Variants in PAPPA2 observed in about 807,000 individuals in gnomAD.
The protein encoded by PAPPA2 is pappalysin-2.
A neutral mutation model predicts 176.4 loss-of-function variants in PAPPA2; 86 were observed. The observed-to-expected ratio is 0.49, with a 90% CI of 0.41 to 0.58. PAPPA2 has a LOEUF of 0.58. Among genes scored for constraint, PAPPA2 ranks in the 20% least tolerant of loss-of-function variants. The pLI, the probability that PAPPA2 is intolerant of heterozygous loss-of-function variation, is 0.00. For synonymous variants in PAPPA2, 809 were observed against 852.2 expected, an observed-to-expected ratio of 0.95 and a Z score of 0.88; for missense variants, 2,073 against 2,256.9, an observed-to-expected ratio of 0.92 and a Z score of 1.65.
At chr1:176,528,331 G>T (rs1013309132) in intron 1 of PAPPA2, among the ~76,000 whole-genome samples, 3 of 152,158 alleles carry the variant, frequency 2.0e-5, no homozygotes, top group African/African-American at 7.2e-5. Flanking sequence ...ACATGATAGA[G>T]AATACATTTC....
chr1:176,470,180 A>G (rs1651807895), intron 1 of PAPPA2, among the ~76,000 whole-genome samples: 1 of 152,324 alleles, frequency 6.6e-6, no homozygotes, highest in African/African-American at 2.4e-5. Flanking sequence ...CACAGTGGTG[A>G]AGGTCCAGGG....
intron 3 of PAPPA2, among the ~76,000 whole-genome samples, chr1:176,605,910 T>A (rs770972481): frequency 6.6e-6 from 1 of 152,258 alleles, no homozygotes; most frequent in South Asian, 2.1e-4. Context: ...GTCCTTTTCT[T>A]TAGACCTTAG....
chr1:176,623,606 C>CTTT (rs1558478951), intron 3 of PAPPA2, among the ~76,000 whole-genome samples: 52 of 112,714 alleles, frequency 4.6e-4, no homozygotes, highest in African/African-American at 1.5e-3. Context: ...TTCCTTCCTT[C>CTTT]CTTCCTTCCT....
At chr1:176,572,947 G>A (rs1652436606) in intron 2 of PAPPA2, among the ~76,000 whole-genome samples, 1 of 152,098 alleles carries the variant, frequency 6.6e-6, no homozygotes, top group African/African-American at 2.4e-5. Context: ...CTGGTAACAG[G>A]AACCCCAAAG....
chr1:176,516,868 G>A (rs1346645649), intron 1 of PAPPA2, among the ~76,000 whole-genome samples: 1 of 152,152 alleles, frequency 6.6e-6, no homozygotes, highest in Non-Finnish European at 1.5e-5. Context: ...ATCCTATGTA[G>A]GTGAATCACA....
intron 15 of PAPPA2, among the ~76,000 whole-genome samples, chr1:176,767,793 C>T (rs1664047382): frequency 6.6e-6 from 1 of 152,198 alleles, no homozygotes; most frequent in Admixed American, 6.5e-5. Context: ...CAGTGCTCTC[C>T]AGCTGACCAA....
rs781676806 is a variant in PAPPA2, at chr1:176,702,681, C to T, written c.3311C>T (p.Pro1104Leu). ...GGAGGAGAACTGGGAGAAGCTTCGC[C>T]TCCTCTGAACCACATTCATGGAGCT... ...EAGGELGEAS[P>L]PLNHIHGAPY... The change falls in exon 9 of 23, where the codon CCT (proline) becomes CTT (leucine). Residue 1104 changes from proline to leucine, a missense_variant. Physicochemically the swap from Pro to Leu is moderately conservative, Grantham distance 98. Around this residue, in one of 4 missense-constraint regions of PAPPA2, gnomAD observed 846 missense variants for 857.9 expected, o/e 0.99. Coordinates refer to ENST00000367662, the MANE Select transcript of PAPPA2 (RefSeq NM_020318.3). 6.2e-7 allele frequency: 1 copy of T among 1,612,864 alleles called. No homozygotes were observed. Among genetic ancestry groups the T allele is most frequent in the Non-Finnish European group, 8.5e-7 (1 of 1,179,476 alleles).
rs577467925 is a variant in PAPPA2, at chr1:176,794,236, A to G, written c.5130+567A>G. 3.3e-5 allele frequency among the ~76,000 whole-genome samples: 5 copies of G among 152,312 alleles called. No homozygotes were observed. The East Asian group carries it at 7.7e-4, about 23-fold the overall frequency. On this transcript the variant is annotated intron_variant, in intron 20 of 22. Transcript: ENST00000367662. ...AAAACATATCGAAGTAGCAACTGACATAAAAGGAAGAATGAGGTCCTCCGG... is the reference window on the plus strand; with the variant it reads ...AAAACATATCGAAGTAGCAACTGACGTAAAAGGAAGAATGAGGTCCTCCGG...
intron 3 of PAPPA2, among the ~76,000 whole-genome samples, chr1:176,631,163 C>A (rs1213483925): frequency 6.6e-6 from 1 of 151,992 alleles, no homozygotes; most frequent in African/African-American, 2.4e-5. Context: ...AGTATGGGGT[C>A]AATAAACAAA....
chr1:176,725,545 A>G lies in PAPPA2; in HGVS notation c.3798+13564A>G, dbSNP rs139658487. 2.1e-4 allele frequency among the ~76,000 whole-genome samples: 32 copies of G among 152,368 alleles called. 1 individual carries two copies. Among genetic ancestry groups the G allele is most frequent in the Middle Eastern group, 6.8e-3 (2 of 294 alleles). ...TGTTTACAAAAATATGATAGAAGAC[A>G]CAAAGTTGTAAGTCATGTGCTACAG... On this transcript the variant is annotated intron_variant, in intron 12 of 22. Coordinates refer to ENST00000367662, the MANE Select transcript of PAPPA2 (RefSeq NM_020318.3).
intron 1 of PAPPA2, among the ~76,000 whole-genome samples, chr1:176,524,636 G>A (rs1408742161): frequency 2.0e-5 from 3 of 152,178 alleles, no homozygotes; most frequent in African/African-American, 7.2e-5. Context: ...TGTTCAGCAT[G>A]GGGTAAAGAA....
intron 2 of PAPPA2, among the ~76,000 whole-genome samples, chr1:176,587,924 A>G (rs1231891527): frequency 6.6e-6 from 1 of 152,198 alleles, no homozygotes; most frequent in East Asian, 1.9e-4. Flanking sequence ...AATTTAAAAT[A>G]GTTTTTTTTC....
intron 14 of PAPPA2, among the ~76,000 whole-genome samples, chr1:176,758,932 C>T (rs1373114216): frequency 6.6e-6 from 1 of 152,124 alleles, no homozygotes; most frequent in African/African-American, 2.4e-5. Context: ...CAGTTCAACC[C>T]CATCATTTTA....
intron 14 of PAPPA2, among the ~76,000 whole-genome samples, chr1:176,744,981 T>G (rs1177400552): frequency 6.6e-6 from 1 of 152,226 alleles, no homozygotes; most frequent in African/African-American, 2.4e-5. Context: ...ATGTGAGATT[T>G]GTAACACCTT....
At chr1:176,631,659 C>T (rs1656346018) in intron 3 of PAPPA2, among the ~76,000 whole-genome samples, 3 of 152,054 alleles carry the variant, frequency 2.0e-5, no homozygotes. Flanking sequence ...AAATCATTGG[C>T]AAACTTCATC....
chr1:176,706,951 A>G (rs1660907828), intron 10 of PAPPA2, among the ~76,000 whole-genome samples: 1 of 152,150 alleles, frequency 6.6e-6, no homozygotes, highest in African/African-American at 2.4e-5. Flanking sequence ...ATAAAAGAGG[A>G]TCCTAACATA....
chr1:176,779,106 T>A (rs114232150), intron 17 of PAPPA2, among the ~76,000 whole-genome samples: 249 of 152,320 alleles, frequency 1.6e-3, no homozygotes, highest in African/African-American at 5.9e-3. Flanking sequence ...CTAGAGAGCA[T>A]CATATTGTAA....
chr1:176,597,517 C>T (rs1654049688), intron 3 of PAPPA2, among the ~76,000 whole-genome samples: 2 of 151,948 alleles, frequency 1.3e-5, no homozygotes. Context: ...GGGAACATCA[C>T]ATACCGGGGT....
intron 2 of PAPPA2, among the ~76,000 whole-genome samples, chr1:176,562,748 A>G (rs1037154459): frequency 3.3e-5 from 5 of 152,238 alleles, no homozygotes; most frequent in African/African-American, 1.2e-4. Flanking sequence ...TTGTGTGAAC[A>G]GGGCATAGCC....
Sources: allele counts gnomAD v4.1 joint callset (sites outside exome capture counted in the v4.1 genomes callset), GRCh38; gene constraint gnomAD v4.1.1; regional missense constraint gnomAD v4.1.1; transcripts MANE v1.5; gene names NCBI Gene and HGNC (gene_info 2026-07-23, HGNC 2026-07-21).